Variants in CRACR2A observed in about 807,000 individuals in gnomAD.
The protein encoded by CRACR2A is calcium release activated channel regulator 2A.
A neutral mutation model predicts 90.5 loss-of-function variants in CRACR2A; 79 were observed. That is an observed-to-expected ratio of 0.87 (90% CI 0.73 to 1.05). The LOEUF is 1.05. Among genes scored for constraint, CRACR2A ranks in the 50% least tolerant of loss-of-function variants. The pLI is 0.00. For missense variants in CRACR2A, 823 were observed against 897.2 expected (o/e 0.92, Z 1.06); for synonymous variants, 338 against 356.7 (o/e 0.95, Z 0.59).
chr12:3,732,995 C>A lies in CRACR2A; in HGVS notation c.-171G>T, dbSNP rs982361844. 4 of 152,344 alleles carry A rather than the reference C, an allele frequency of 2.6e-5. No homozygotes were observed. Among genetic ancestry groups the A allele is most frequent in the African/African-American group, 7.2e-5 (3 of 41,450 alleles). 9.4% of individuals were successfully genotyped at this position (152,344 alleles called of 1,614,324 possible). On this transcript the variant is annotated 5_prime_UTR_variant, in exon 2 of 20. Coordinates refer to ENST00000440314, the MANE Select transcript of CRACR2A (RefSeq NM_001144958.2). ...ACCTGGCAGGAGAGGAGGCAGCACA[C>A]CTGTGTTGAATTCTCCTGGCACTCC...
At chr12:3,649,678 G>C (rs1362754484) in intron 10 of CRACR2A, among the ~76,000 whole-genome samples, 1 of 152,172 alleles carries the variant, frequency 6.6e-6, no homozygotes, top group African/African-American at 2.4e-5. Flanking sequence ...AGGTGGGGAG[G>C]TAAGGGCTGT....
intron 6 of CRACR2A, among the ~76,000 whole-genome samples, chr12:3,677,233 C>T (rs1205060864): frequency 2.0e-5 from 3 of 152,188 alleles, no homozygotes; most frequent in Non-Finnish European, 4.4e-5. Flanking sequence ...CTTTAAAGAG[C>T]CCTCAAATAT....
chr12:3,722,009 G>C (rs1442500919), intron 2 of CRACR2A, among the ~76,000 whole-genome samples: 1 of 152,196 alleles, frequency 6.6e-6, no homozygotes, highest in Non-Finnish European at 1.5e-5. Context: ...CTCACTGTCA[G>C]TGTTTCAATG....
At chr12:3,730,289 G>A (rs1350479758) in intron 2 of CRACR2A, 2 of 152,248 alleles carry the variant, frequency 1.3e-5, no homozygotes, top group Non-Finnish European at 2.9e-5. Context: ...CTAGATGGCA[G>A]TCAACGCTCA....
chr12:3,697,336 AAAC>A (rs1249824716), intron 3 of CRACR2A, among the ~76,000 whole-genome samples: 3 of 152,214 alleles, frequency 2.0e-5, no homozygotes, highest in African/African-American at 7.2e-5. Flanking sequence ...TTAAACAACC[AAAC>A]AACAACAAAA....
At chr12:3,745,788 A>ATAACATAACATAAC (rs1356770696) in intron 1 of CRACR2A, among the ~76,000 whole-genome samples, 8 of 7,386 alleles carry the variant, frequency 1.1e-3, no homozygotes, top group Admixed American at 2.4e-3. Context: ...CAAAAAATAA[A>ATAACATAACATAAC]ATAAAATAAA....
intron 11 of CRACR2A, 125 bp downstream of exon 11, chr12:3,648,417 T>C: frequency 6.3e-7 from 1 of 1,582,628 alleles, no homozygotes; most frequent in Non-Finnish European, 8.6e-7. Flanking sequence ...ACCAAGGGAA[T>C]TGAGGGCACT....
chr12:3,625,524 T>C (rs1449655805), intron 17 of CRACR2A, among the ~76,000 whole-genome samples: 1 of 150,652 alleles, frequency 6.6e-6, no homozygotes, highest in Non-Finnish European at 1.5e-5. Flanking sequence ...AAAATTTAGA[T>C]ACTGGGGGAC....
intron 10 of CRACR2A, among the ~76,000 whole-genome samples, chr12:3,650,120 C>T (rs1944768388): frequency 6.6e-6 from 1 of 152,164 alleles, no homozygotes; most frequent in Admixed American, 6.5e-5. Flanking sequence ...GAGCATCTCG[C>T]AAGTTGATAC....
At chr12:3,640,513 G>GAATC (rs1177384891) in intron 13 of CRACR2A, 2 of 1,214,262 alleles carry the variant, frequency 1.6e-6, no homozygotes, top group Non-Finnish European at 2.1e-6. Flanking sequence ...AACGTCTGCT[G>GAATC]AATCAATCAA....
Position 3,654,241 on chromosome 12 carries a change from C to T in CRACR2A, c.1017G>A (p.Glu339=). The change falls in exon 10 of 20, where the codon GAG becomes GAA. Residue 339 remains glutamate (E), a synonymous_variant. Transcript: ENST00000440314. ...AQQQLESLQQ[E]ACKLHQEKEM... is the part of the protein sequence containing the mutation. Reference sequence around the variant, plus strand: ...CCTTCTCTTGGTGGAGTTTGCAGGCCTCTTGCTGGAGGCTTTCCAACTGCT... The same window carrying T: ...CCTTCTCTTGGTGGAGTTTGCAGGCTTCTTGCTGGAGGCTTTCCAACTGCT... 6.2e-7 allele frequency: 1 copy of T among 1,613,330 alleles called. No homozygotes were observed. Among genetic ancestry groups the T allele is most frequent in the South Asian group, 1.1e-5 (1 of 91,038 alleles).
At chr12:3,643,805 TTA>T (rs200457956) in intron 12 of CRACR2A, among the ~76,000 whole-genome samples, 8,088 of 109,898 alleles carry the variant, frequency 0.074, 513 homozygotes, top group African/African-American at 0.16. Flanking sequence ...ATAATATATA[TTA>T]TATATATATT....
chr12:3,709,515 C>T (rs572600898), intron 3 of CRACR2A, among the ~76,000 whole-genome samples: 22 of 152,338 alleles, frequency 1.4e-4, no homozygotes, highest in Admixed American at 9.1e-4. Context: ...CAGTGGCTCA[C>T]GCCTGTAATC....
At chr12:3,700,434 T>C (rs1046371342) in intron 3 of CRACR2A, among the ~76,000 whole-genome samples, 3 of 152,182 alleles carry the variant, frequency 2.0e-5, no homozygotes, top group Non-Finnish European at 4.4e-5. Context: ...CTTGGTAGAC[T>C]ACCTATGTTG....
At chr12:3,673,697 A>C in intron 6 of CRACR2A, 105 bp from the exon 7 acceptor site, 1 of 1,415,612 alleles carries the variant, frequency 7.1e-7, no homozygotes, top group South Asian at 1.4e-5. Context: ...TACCGTCAGA[A>C]TCATTATAAA....
chr12:3,621,671 A>AAAAAAAAAAAAAAAC (rs1301625787), intron 17 of CRACR2A, among the ~76,000 whole-genome samples: 3 of 145,304 alleles, frequency 2.1e-5, no homozygotes, highest in Non-Finnish European at 4.5e-5. Context: ...AAAAAAAAAA[A>AAAAAAAAAAAAAAAC]AAAAAAAAAA....
chr12:3,650,909 G>A (rs1476829368), intron 10 of CRACR2A, among the ~76,000 whole-genome samples: 2 of 152,124 alleles, frequency 1.3e-5, no homozygotes, highest in African/African-American at 2.4e-5. Context: ...TTGGATATTT[G>A]TACATCCATA....
intron 1 of CRACR2A, among the ~76,000 whole-genome samples, chr12:3,751,400 G>C (rs4766169): frequency 0.99 from 151,387 of 152,282 alleles, 75,257 homozygotes; most frequent in Middle Eastern, 1. Flanking sequence ...CCATACCCAG[G>C]TGCAGATGAC....
chr12:3,620,168 G>GTCC (rs1944105661), intron 17 of CRACR2A, among the ~76,000 whole-genome samples: 2 of 152,264 alleles, frequency 1.3e-5, no homozygotes, highest in African/African-American at 4.8e-5. Flanking sequence ...AAGGGGCACC[G>GTCC]TGTGTGTCTC....
Sources: gnomAD v4.1 joint callset for allele counts (sites outside exome capture counted in the v4.1 genomes callset) on GRCh38, gnomAD v4.1.1 for gene constraint, MANE v1.5 for transcripts, NCBI Gene and HGNC (gene_info 2026-07-23, HGNC 2026-07-21) for gene names.